The following ATP2A2 variants were observed in gnomAD, a reference collection of about 807,000 sequenced individuals.
The protein encoded by ATP2A2 is sarcoplasmic/endoplasmic reticulum calcium ATPase 2.
ATP2A2 carries 14 observed loss-of-function variants against 109.3 expected under a neutral mutation model. That is an observed-to-expected ratio of 0.13 (90% CI 0.08 to 0.20). The LOEUF is 0.20. ATP2A2 is among the 10% of genes least tolerant of loss of function. The probability of loss-of-function intolerance (pLI) is 1.00; values close to 1 mark genes in which losing one functional copy is unlikely to be tolerated. For missense variants in ATP2A2, 657 were observed against 1,321.6 expected (o/e 0.50, Z 7.80); for synonymous variants, 506 against 490.9 (o/e 1.03, Z -0.41).
In ATP2A2 at chr12:110,327,448, A is replaced by T; in HGVS notation, c.631-105A>T. The T allele has an allele frequency of 9.8e-7, 1 of 1,021,210 alleles. No individual in the cohort carries two copies. Among genetic ancestry groups the T allele is most frequent in the Non-Finnish European group, 1.6e-6 (1 of 640,784 alleles). The allele number at this position is 1,021,210 out of a possible 1,614,324, so 63.3% of individuals were successfully genotyped here. ...TTGAACAGTAGCCAGTGGAAGACCTAGTAGAATGTGTAGAGAATCTGGGTG... is the reference window on the plus strand; with the variant it reads ...TTGAACAGTAGCCAGTGGAAGACCTTGTAGAATGTGTAGAGAATCTGGGTG... On this transcript the variant is annotated intron_variant, in intron 7 of 19. Transcript: ENST00000539276. This position sits in a 1 kb window ranked among gnomAD's most constrained non-coding sequence, Gnocchi z 4.4.
At position 110,340,608 on chromosome 12, in the gene ATP2A2, G is replaced by T. The variant is rs767108121; in HGVS notation, c.1762-51G>T. ...TAACTGGGCATTTTTCAAACTAGGG[G>T]ACAAAAACTAGAACTTGCCACTTTT... On this transcript the variant is annotated intron_variant, in intron 13 of 19. Coordinates refer to ENST00000539276, the MANE Select transcript of ATP2A2 (RefSeq NM_170665.4). The surrounding 1 kb of genome is among the most constrained non-coding windows in gnomAD (Gnocchi z 6.0). 1.3e-6 allele frequency: 2 copies of T among 1,592,322 alleles called. No homozygotes were observed. Among genetic ancestry groups the T allele is most frequent in the Non-Finnish European group, 1.7e-6 (2 of 1,162,402 alleles).
rs12312588 is a variant in ATP2A2, at chr12:110,342,332, G to A, written c.2202G>A (p.Leu734=). The change falls in exon 15 of 20, where the codon CTG becomes CTA. Residue 734 remains leucine (L), a synonymous_variant. Transcript: ENST00000539276. This position sits in a 1 kb window ranked among gnomAD's most constrained non-coding sequence, Gnocchi z 4.6. ...CTAAAACCGCCTCTGAGATGGTCCTGGCGGATGACAACTTCTCCACCATTG... is the reference window on the plus strand; with the variant it reads ...CTAAAACCGCCTCTGAGATGGTCCTAGCGGATGACAACTTCTCCACCATTG... ...AVAKTASEMV[L]ADDNFSTIVA... is the part of the protein sequence containing the mutation. 181 of 1,614,246 alleles carry A rather than the reference G, an allele frequency of 1.1e-4. No homozygotes were observed. In the African/African-American group the frequency reaches 2.3e-3, roughly 20 times the overall value.
chr12:110,310,797 A>G (rs2137765665), intron 5 of ATP2A2, among the ~76,000 whole-genome samples: 1 of 152,324 alleles, frequency 6.6e-6, no homozygotes, highest in Non-Finnish European at 1.5e-5. Context: ...CTTGACAGCA[A>G]TTTAAAGGAA....
At chr12:110,333,132 C>A in intron 9 of ATP2A2, 49 bp from the exon 10 acceptor site, 1 of 1,486,032 alleles carries the variant, frequency 6.7e-7, no homozygotes, top group Non-Finnish European at 9.4e-7. Context: ...CGGGAGGAAT[C>A]AATAGTGGCG....
chr12:110,337,908 T>C (rs1878992515), intron 11 of ATP2A2, among the ~76,000 whole-genome samples: 1 of 152,246 alleles, frequency 6.6e-6, no homozygotes, highest in Admixed American at 6.5e-5. Flanking sequence ...GTCTGTGTAA[T>C]AGGCAAGAAA....
At chr12:110,341,940 G>A (rs1879396745) in intron 14 of ATP2A2, among the ~76,000 whole-genome samples, 1 of 152,168 alleles carries the variant, frequency 6.6e-6, no homozygotes, top group East Asian at 1.9e-4. Context: ...GGATACAAGT[G>A]CTTCCTCTTG....
chr12:110,296,175 C>T, intron 4 of ATP2A2: 1 of 184,038 alleles, frequency 5.4e-6, no homozygotes, highest in Non-Finnish European at 1.1e-5. Flanking sequence ...AGTGCAGTGG[C>T]AGGATCTCGT....
At position 110,346,732 on chromosome 12, in the gene ATP2A2, G is replaced by A. The variant is rs1339434164; in HGVS notation, c.*262G>A. ...TATTTTTTTGTAGATGAAAAAGCAT[G>A]TACAGTGTTCTGTTTAATACTCATC... is the stretch of plus-strand genomic sequence containing the variant. On this transcript the variant is annotated 3_prime_UTR_variant, in exon 20 of 20. Coordinates refer to ENST00000539276, the MANE Select transcript of ATP2A2 (RefSeq NM_170665.4). The A allele has an allele frequency of 7.5e-6, 10 of 1,338,118 alleles. No homozygotes were observed. The highest frequency in any genetic ancestry group is 1.5e-5 in the African/African-American group (1 of 67,490). The allele number at this position is 1,338,118 out of a possible 1,614,324, so 82.9% of individuals were successfully genotyped here.
chr12:110,313,310 CTTTTTTT>C (rs748790705), intron 5 of ATP2A2, among the ~76,000 whole-genome samples: 4 of 113,202 alleles, frequency 3.5e-5, no homozygotes, highest in South Asian at 2.8e-4. Flanking sequence ...ACCACCTTTC[CTTTTTTT>C]TTTTTTTTTT....
chr12:110,320,018 A>C (rs1356328160), intron 5 of ATP2A2, among the ~76,000 whole-genome samples: 2 of 152,154 alleles, frequency 1.3e-5, no homozygotes, highest in African/African-American at 4.8e-5. Context: ...TACTGTTTCC[A>C]AGCATTTTGG....
chr12:110,342,559 G>C lies in ATP2A2; in HGVS notation c.2318+111G>C. On this transcript the variant is annotated intron_variant, in intron 15 of 19. Transcript: ENST00000539276. This position sits in a 1 kb window ranked among gnomAD's most constrained non-coding sequence, Gnocchi z 4.6. ...TGCAGCAGCTTTGGTCTTTGTGCCT[G>C]AGTTGGAAGAGGGGAGTGGGCAAGA... is the stretch of plus-strand genomic sequence containing the variant. 15 of 1,283,510 alleles carry C rather than the reference G, an allele frequency of 1.2e-5. No individual in the cohort carries two copies. Among genetic ancestry groups the C allele is most frequent in the Non-Finnish European group, 1.7e-5 (15 of 905,488 alleles). 79.5% of individuals were successfully genotyped at this position (1,283,510 alleles called of 1,614,324 possible).
At chr12:110,320,532 A>G (rs1031156688) in intron 5 of ATP2A2, among the ~76,000 whole-genome samples, 1 of 152,252 alleles carries the variant, frequency 6.6e-6, no homozygotes, top group Admixed American at 6.5e-5. Flanking sequence ...ACAGGCAGAA[A>G]TAGTGCAGTA....
chr12:110,286,467 C>T (rs3026447), intron 3 of ATP2A2, among the ~76,000 whole-genome samples: 27,038 of 152,026 alleles, frequency 0.18, 3,017 homozygotes, highest in African/African-American at 0.31. Flanking sequence ...AAAATAATGA[C>T]TTGAAAGGTG....
intron 6 of ATP2A2, chr12:110,325,663 C>G (rs1207728246): frequency 6.6e-6 from 1 of 151,796 alleles, no homozygotes; most frequent in African/African-American, 2.4e-5. Context: ...ATTTACCATG[C>G]GATCTTTCCA....
chr12:110,285,403 A>C (rs1872561539), intron 3 of ATP2A2, among the ~76,000 whole-genome samples: 1 of 152,130 alleles, frequency 6.6e-6, no homozygotes, highest in African/African-American at 2.4e-5. Context: ...CTTTGTTCTA[A>C]ATGTAACACA....
intron 5 of ATP2A2, among the ~76,000 whole-genome samples, chr12:110,321,472 GTTA>G (rs1216433604): frequency 2.0e-5 from 3 of 152,112 alleles, no homozygotes; most frequent in Non-Finnish European, 2.9e-5. Context: ...CTGTTTTGTT[GTTA>G]TTATTGTTGT....
chr12:110,312,005 T>G (rs1876127537), intron 5 of ATP2A2, among the ~76,000 whole-genome samples: 1 of 151,964 alleles, frequency 6.6e-6, no homozygotes. Flanking sequence ...AAAGACCCCG[T>G]CTCTAAAAAA....
Position 110,349,719 on chromosome 12 carries a change from C to T in ATP2A2, c.*3249C>T, listed in dbSNP as rs1880224832. 1 of 1,009,814 alleles carries T rather than the reference C, an allele frequency of 9.9e-7. No homozygotes were observed. The highest frequency in any genetic ancestry group is 1.2e-6 in the Non-Finnish European group (1 of 843,372). 62.6% of individuals were successfully genotyped at this position (1,009,814 alleles called of 1,614,324 possible). On this transcript the variant is annotated 3_prime_UTR_variant, in exon 20 of 20. Transcript: ENST00000539276. The stretch of plus-strand genomic sequence containing the variant: ...GCCAGAGCATACCACGTCTGCAGTG[C>T]CTGTGAGCAGAGCCAGCAGTTGCCC...
chr12:110,343,201 C>G (rs1366360579), intron 15 of ATP2A2, 31 bp from the exon 16 acceptor site: 1 of 1,609,068 alleles, frequency 6.2e-7, no homozygotes, highest in African/African-American at 1.3e-5. Context: ...CATTTGGGCT[C>G]TCTTTGTCTT....
Sources: gnomAD v4.1 joint callset for allele counts (sites outside exome capture counted in the v4.1 genomes callset) on GRCh38, gnomAD v4.1.1 for gene constraint, Gnocchi (gnomAD v3.1) non-coding constraint, MANE v1.5 for transcripts, NCBI Gene and HGNC (gene_info 2026-07-23, HGNC 2026-07-21) for gene names.